BTG4: variants seen among roughly 807,000 people sequenced by gnomAD.
BTG4 encodes the protein protein BTG4.
In BTG4, 10 loss-of-function variants were observed where a neutral mutation model predicts 19.3. The ratio of observed to expected loss-of-function variants is 0.52; its 90% confidence interval spans 0.32 to 0.88. The LOEUF is 0.88. BTG4 is among the 40% of genes least tolerant of loss of function. The pLI is 0.04. For missense variants in BTG4, 238 were observed against 281.9 expected (o/e 0.84, Z 1.11); for synonymous variants, 91 against 95.7 (o/e 0.95, Z 0.29).
chr11:111,496,892 GA>G, intron 4 of BTG4: 1 of 293,462 alleles, frequency 3.4e-6, no homozygotes, highest in Non-Finnish European at 6.2e-6. Context: ...TCAATTGACA[GA>G]AAAAAAAATC....
the BTG4 span, among the ~76,000 whole-genome samples, chr11:111,438,961 C>A: frequency 6.6e-6 from 1 of 152,290 alleles, no homozygotes; most frequent in Non-Finnish European, 1.5e-5. Context: ...TTTTCAAATC[C>A]CCAATTCCCT....
At chr11:111,461,771 G>A in the BTG4 span, 2 of 152,760 alleles carry the variant, frequency 1.3e-5, no homozygotes, top group Non-Finnish European at 2.9e-5. Flanking sequence ...ACCAAGTTTA[G>A]TCATAGATAC....
At chr11:111,497,133 C>A in intron 4 of BTG4, 78 bp downstream of exon 4, 1 of 1,365,438 alleles carries the variant, frequency 7.3e-7, no homozygotes, top group South Asian at 1.3e-5. Flanking sequence ...TTTTTTGCTT[C>A]TTTGTTTTCA....
At chr11:111,437,142 C>T in the BTG4 span, among the ~76,000 whole-genome samples, 1 of 152,266 alleles carries the variant, frequency 6.6e-6, no homozygotes, top group South Asian at 2.1e-4. Flanking sequence ...CCCCCACCCT[C>T]AGAAGAACAT....
At chr11:111,507,567 A>G (rs542127254) in intron 1 of BTG4, among the ~76,000 whole-genome samples, 1 of 152,256 alleles carries the variant, frequency 6.6e-6, no homozygotes, top group African/African-American at 2.4e-5. Context: ...TCTGCTGCCT[A>G]TGGCTAATTC....
chr11:111,404,313 G>A, the BTG4 span, among the ~76,000 whole-genome samples: 1 of 152,190 alleles, frequency 6.6e-6, no homozygotes, highest in East Asian at 1.9e-4. Flanking sequence ...CATGAAAATG[G>A]ACTAATACAT....
At position 111,498,618 on chromosome 11, in the gene BTG4, T is replaced by C; in HGVS notation, c.159A>G (p.Lys53=). Residue 53 remains lysine (K), a synonymous_variant, in exon 2 of 5, where the codon AAA becomes AAG. Transcript: ENST00000692032. ...CTAGCTCTCACCTGAAGGCTTGCCC[T>C]TTAGAAGGGCAATCAGAGTGCCAGT... is the stretch of plus-strand genomic sequence containing the variant. The part of the protein sequence containing the change: ...RSHWHSDCPS[K]GQAFRCIRIN... 2 of 1,613,090 alleles carry C rather than the reference T, an allele frequency of 1.2e-6. No homozygotes were observed. The highest frequency in any genetic ancestry group is 1.7e-6 in the Non-Finnish European group (2 of 1,179,796).
chr11:111,455,691 G>T, the BTG4 span: 1 of 399,744 alleles, frequency 2.5e-6, no homozygotes, highest in Admixed American at 2.5e-5. Flanking sequence ...TGGCTGCAGG[G>T]GGTCCCGGAA....
the BTG4 span, among the ~76,000 whole-genome samples, chr11:111,392,105 T>G: frequency 1.3e-5 from 2 of 151,246 alleles, no homozygotes; most frequent in Non-Finnish European, 2.9e-5. Context: ...TATGGTTACC[T>G]AGCTAGGCAA....
chr11:111,392,986 G>A, the BTG4 span, among the ~76,000 whole-genome samples: 1 of 152,256 alleles, frequency 6.6e-6, no homozygotes, highest in African/African-American at 2.4e-5. Context: ...GGCCCTGAGG[G>A]GAGTCTTATG....
chr11:111,402,958 T>A, the BTG4 span, among the ~76,000 whole-genome samples: 2 of 152,182 alleles, frequency 1.3e-5, no homozygotes, highest in Non-Finnish European at 2.9e-5. Context: ...TCAATGGAAC[T>A]GATCACCGCT....
Position 111,497,406 on chromosome 11 carries a change from A to G in BTG4, c.315T>C (p.Tyr105=). ...WVDPFEVCCR[Y]GEKNHPFTVA... is the part of the protein sequence containing the mutation. ...CTGTAAATGGATGGTTTTTCTCACCATACCTAAGTAGGAAAAGAAATTTAA... is the reference window on the plus strand; with the variant it reads ...CTGTAAATGGATGGTTTTTCTCACCGTACCTAAGTAGGAAAAGAAATTTAA... Residue 105 remains tyrosine (Y), a synonymous_variant, in exon 4 of 5, where the codon TAT becomes TAC. Coordinates refer to ENST00000692032, the MANE Select transcript of BTG4 (RefSeq NM_001367975.1). 7.2e-7 allele frequency: 1 copy of G among 1,380,236 alleles called. No homozygotes were observed. The highest frequency in any genetic ancestry group is 2.2e-5 in the South Asian group (1 of 45,546). The allele number at this position is 1,380,236 out of a possible 1,614,324, so 85.5% of individuals were successfully genotyped here.
chr11:111,498,907 G>A lies in BTG4; in HGVS notation c.-26-105C>T. On this transcript the variant is annotated intron_variant, in intron 1 of 4. Coordinates refer to ENST00000692032, the MANE Select transcript of BTG4 (RefSeq NM_001367975.1). Reference sequence around the variant, plus strand: ...TTTTACATACCTTAAAGTTAAAACTGAGAAAATCTGCTAGAAAGAAGTCCT... The same window carrying A: ...TTTTACATACCTTAAAGTTAAAACTAAGAAAATCTGCTAGAAAGAAGTCCT... 7 of 737,020 alleles carry A rather than the reference G, an allele frequency of 9.5e-6. No individual in the cohort carries two copies. In the South Asian group the frequency reaches 1.4e-4, roughly 15 times the overall value. The allele number at this position is 737,020 out of a possible 1,614,324, so 45.7% of individuals were successfully genotyped here.
intron 3 of BTG4, among the ~76,000 whole-genome samples, 179 bp downstream of exon 3, chr11:111,497,819 A>G (rs563464857): frequency 6.6e-6 from 1 of 152,318 alleles, no homozygotes; most frequent in Admixed American, 6.5e-5. Flanking sequence ...TTTCCACCTC[A>G]CCCACTTTGA....
At chr11:111,419,461 T>C in the BTG4 span, among the ~76,000 whole-genome samples, 37,791 of 152,208 alleles carry the variant, frequency 0.25, 5,519 homozygotes, top group Admixed American at 0.35. Context: ...ACAGCACTGG[T>C]GCTACCTGAG....
chr11:111,504,672 T>C (rs1866327232), intron 1 of BTG4, among the ~76,000 whole-genome samples: 1 of 151,976 alleles, frequency 6.6e-6, no homozygotes, highest in African/African-American at 2.4e-5. Context: ...AAAGTAGAAG[T>C]CAAATTATCT....
intron 1 of BTG4, among the ~76,000 whole-genome samples, chr11:111,508,521 T>C (rs1418842052): frequency 6.6e-6 from 1 of 152,092 alleles, no homozygotes; most frequent in African/African-American, 2.4e-5. Context: ...ACAATCTCCA[T>C]AAATTTGCTT....
At chr11:111,455,284 A>G in the BTG4 span, 1 of 337,898 alleles carries the variant, frequency 3.0e-6, no homozygotes, top group South Asian at 2.3e-5. Flanking sequence ...CCTGTCCAGA[A>G]TAACTCTGGA....
At chr11:111,491,513 C>T (rs1865414622), downstream of BTG4, among the ~76,000 whole-genome samples, 1 of 151,878 alleles carries the variant, frequency 6.6e-6, no homozygotes, top group Non-Finnish European at 1.5e-5. Context: ...TTTGGGAAGC[C>T]GAAGCGGGAG....
Sources: allele counts gnomAD v4.1 joint callset (sites outside exome capture counted in the v4.1 genomes callset), GRCh38; gene constraint gnomAD v4.1.1; transcripts MANE v1.5; gene names NCBI Gene and HGNC (gene_info 2026-07-23, HGNC 2026-07-21).